Variants in ALK observed in about 807,000 individuals in gnomAD.
ALK encodes ALK tyrosine kinase receptor.
In ALK, 74 loss-of-function variants were observed where a neutral mutation model predicts 163.1. The ratio of observed to expected loss-of-function variants is 0.45; its 90% CI spans 0.38 to 0.55. ALK has a LOEUF of 0.55. Among genes scored for constraint, ALK ranks in the 20% least tolerant of loss-of-function variants. The pLI is 0.00. For synonymous variants in ALK, 960 were observed against 843.2 expected, an observed-to-expected ratio of 1.14 and a Z score of -2.40; for missense variants, 2,063 against 2,105.3, an observed-to-expected ratio of 0.98 and a Z score of 0.39.
intron 3 of ALK, among the ~76,000 whole-genome samples, chr2:29,652,012 GAA>G (rs531203071): frequency 6.6e-6 from 1 of 152,132 alleles, no homozygotes; most frequent in East Asian, 1.9e-4. Flanking sequence ...TCAGTTCTGG[GAA>G]TTTTTAAAAA....
chr2:29,915,388 T>A (rs1264360377), intron 1 of ALK, among the ~76,000 whole-genome samples: 1 of 152,172 alleles, frequency 6.6e-6, no homozygotes, highest in Non-Finnish European at 1.5e-5. Context: ...CCTGGCTAAT[T>A]TTTTTATTTT....
chr2:29,708,134 C>T (rs761488807), intron 2 of ALK, among the ~76,000 whole-genome samples: 18 of 152,292 alleles, frequency 1.2e-4, no homozygotes, highest in South Asian at 2.1e-4. Flanking sequence ...ATGGTGCAGT[C>T]TCAGCTCACG....
At chr2:29,579,186 T>C (rs1233025366) in intron 3 of ALK, among the ~76,000 whole-genome samples, 2 of 152,236 alleles carry the variant, frequency 1.3e-5, no homozygotes, top group African/African-American at 4.8e-5. Flanking sequence ...GCCTTGACAC[T>C]GTGGCCAATT....
chr2:29,342,754 C>T (rs1459386065), intron 5 of ALK, among the ~76,000 whole-genome samples: 2 of 152,100 alleles, frequency 1.3e-5, no homozygotes, highest in African/African-American at 4.8e-5. Flanking sequence ...TTTTAAATCC[C>T]CTTTCTGTTT....
chr2:29,860,897 C>T (rs1666271302), intron 1 of ALK, among the ~76,000 whole-genome samples: 1 of 152,128 alleles, frequency 6.6e-6, no homozygotes, highest in African/African-American at 2.4e-5. Context: ...TATAGCAATA[C>T]ATATCTACAT....
chr2:29,798,359 T>TC (rs2148362318), intron 1 of ALK, among the ~76,000 whole-genome samples: 1 of 152,274 alleles, frequency 6.6e-6, no homozygotes, highest in South Asian at 2.1e-4. Context: ...GCCACAGAAA[T>TC]CCCATCAAAG....
chr2:29,336,446 A>G (rs904323907), intron 5 of ALK, among the ~76,000 whole-genome samples: 2 of 152,176 alleles, frequency 1.3e-5, no homozygotes, highest in African/African-American at 4.8e-5. Context: ...GCATCCTGGA[A>G]CATCTCTCCT....
chr2:29,438,692 G>A (rs560972118), intron 4 of ALK, among the ~76,000 whole-genome samples: 1 of 152,254 alleles, frequency 6.6e-6, no homozygotes, highest in Non-Finnish European at 1.5e-5. Flanking sequence ...GAATATGTAG[G>A]TGGAGCTAAG....
At chr2:29,708,888 C>T (rs1678989859) in intron 2 of ALK, among the ~76,000 whole-genome samples, 2 of 152,124 alleles carry the variant, frequency 1.3e-5, no homozygotes, top group Admixed American at 1.3e-4. Flanking sequence ...TCTCATAGAC[C>T]AAATTATTCT....
At chr2:29,566,277 T>C (rs1029643219) in intron 3 of ALK, among the ~76,000 whole-genome samples, 1 of 152,238 alleles carries the variant, frequency 6.6e-6, no homozygotes, top group African/African-American at 2.4e-5. Flanking sequence ...CTAGGCATCT[T>C]GGGTTTACAC....
intron 4 of ALK, among the ~76,000 whole-genome samples, chr2:29,482,358 A>T (rs988471632): frequency 3.0e-4 from 45 of 152,186 alleles, no homozygotes; most frequent in African/African-American, 1.1e-3. Context: ...GATTCTGTGT[A>T]TGAAAGTGGA....
intron 8 of ALK, among the ~76,000 whole-genome samples, chr2:29,305,573 A>C (rs1666487864): frequency 6.6e-6 from 1 of 152,138 alleles, no homozygotes; most frequent in Non-Finnish European, 1.5e-5. Flanking sequence ...CCTTGGTTAG[A>C]GGTCCCTTGA....
chr2:29,898,298 G>T (rs1188682211), intron 1 of ALK, among the ~76,000 whole-genome samples: 1 of 152,162 alleles, frequency 6.6e-6, no homozygotes, highest in Non-Finnish European at 1.5e-5. Context: ...ATAGAAGAAA[G>T]GGTTTGTTTG....
intron 4 of ALK, among the ~76,000 whole-genome samples, chr2:29,435,791 T>G (rs1670381231): frequency 6.6e-6 from 1 of 151,886 alleles, no homozygotes; most frequent in South Asian, 2.1e-4. Flanking sequence ...AACAGTGGAG[T>G]CCATTTGGTC....
intron 1 of ALK, among the ~76,000 whole-genome samples, chr2:29,876,024 T>C (rs767305012): frequency 6.6e-6 from 1 of 152,194 alleles, no homozygotes; most frequent in Non-Finnish European, 1.5e-5. Flanking sequence ...CTCTGCTTCA[T>C]CCTCACTCTG....
intron 11 of ALK, among the ~76,000 whole-genome samples, chr2:29,259,931 A>G (rs1553400450): frequency 6.6e-6 from 1 of 152,150 alleles, no homozygotes; most frequent in Non-Finnish European, 1.5e-5. Context: ...AAAGAAAAAA[A>G]TACTTTGGGC....
At chr2:29,859,320 G>C (rs1666222062) in intron 1 of ALK, among the ~76,000 whole-genome samples, 1 of 152,216 alleles carries the variant, frequency 6.6e-6, no homozygotes. Flanking sequence ...GTCAGGCCAG[G>C]CATGAAAGAG....
chr2:29,669,803 T>C (rs970574890), intron 3 of ALK, among the ~76,000 whole-genome samples: 1 of 151,998 alleles, frequency 6.6e-6, no homozygotes, highest in Non-Finnish European at 1.5e-5. Flanking sequence ...AAACATCTTA[T>C]AGATAATAAT....
In ALK at chr2:29,271,501, C is replaced by T. The variant is rs114513941; in HGVS notation, c.2041+3598G>A. On this transcript the variant is annotated intron_variant, in intron 11 of 28. Transcript: ENST00000389048. ...GCCATGGCTCCCTGATGGTATCGCC[C>T]TTCAACCCTTGGAATCTTGGAGCTG... Among the ~76,000 whole-genome samples the T allele has an allele frequency of 2.7e-3, 412 of 152,328 alleles. 2 individuals carry two copies. The highest frequency in any genetic ancestry group is 9.3e-3 in the African/African-American group (385 of 41,578).
Sources: allele counts gnomAD v4.1 joint callset (sites outside exome capture counted in the v4.1 genomes callset), GRCh38; gene constraint gnomAD v4.1.1; transcripts MANE v1.5; gene names NCBI Gene and HGNC (gene_info 2026-07-23, HGNC 2026-07-21).